MALRD1: variants seen among roughly 807,000 people sequenced by gnomAD.
MALRD1 encodes MAM and LDL receptor class A domain containing 1.
In MALRD1, 247 loss-of-function variants were observed where a neutral mutation model predicts 242.1. The observed-to-expected ratio is 1.02, with a 90% CI of 0.92 to 1.13. The LOEUF is 1.13. Among genes scored for constraint, MALRD1 ranks in the 50% most tolerant of loss-of-function variants. The pLI, the probability that MALRD1 is intolerant of heterozygous loss-of-function variation, is 0.00. For missense variants in MALRD1, 2,989 were observed against 2,533.1 expected, an observed-to-expected ratio of 1.18 and a Z score of -3.86; for synonymous variants, 995 against 866.6, an observed-to-expected ratio of 1.15 and a Z score of -2.60.
At chr10:19,264,814 T>G (rs545033831) in intron 19 of MALRD1, among the ~76,000 whole-genome samples, 45 of 152,310 alleles carry the variant, frequency 3.0e-4, no homozygotes, top group African/African-American at 8.7e-4. Flanking sequence ...TGGAGGAGTT[T>G]GATAAGGATT....
chr10:19,097,231 A>G (rs1836073122), intron 4 of MALRD1, among the ~76,000 whole-genome samples: 1 of 152,164 alleles, frequency 6.6e-6, no homozygotes, highest in South Asian at 2.1e-4. Flanking sequence ...TAAATCCCAT[A>G]CCAGCTTAGA....
rs562999334 is a variant in MALRD1, at chr10:19,730,795, G to T, written c.6390+14G>T. On this transcript the variant is annotated intron_variant, in intron 39 of 39. Transcript: ENST00000454679. ...GAGAAAACAGAGGTAAGTGGCAAGGGTGAACTATATCTTTTCACACATATG... is the reference window on the plus strand; with the variant it reads ...GAGAAAACAGAGGTAAGTGGCAAGGTTGAACTATATCTTTTCACACATATG... 32 of 1,535,276 alleles carry T rather than the reference G, an allele frequency of 2.1e-5. No homozygotes were observed. The highest frequency in any genetic ancestry group is 2.4e-5 in the East Asian group (1 of 40,902).
At chr10:19,732,708 C>T (rs1256594433) in intron 39 of MALRD1, among the ~76,000 whole-genome samples, 3 of 152,030 alleles carry the variant, frequency 2.0e-5, no homozygotes, top group Non-Finnish European at 4.4e-5. Context: ...TAAAAAGTGG[C>T]TCGATAGGTA....
intron 11 of MALRD1, 70 bp from the exon 12 acceptor site, chr10:19,155,005 T>C (rs1588622954): frequency 3.7e-6 from 3 of 820,794 alleles, no homozygotes. Context: ...AAGGATAAGA[T>C]TGTGGAGCAA....
At chr10:19,368,871 ATGTGTGTGTGTGTGTGTGTT>A (rs1454360613) in intron 26 of MALRD1, among the ~76,000 whole-genome samples, 4 of 141,806 alleles carry the variant, frequency 2.8e-5, no homozygotes, top group Non-Finnish European at 6.1e-5. Context: ...TGATTTGTGT[ATGTGTGTGTGTGTGTGTGTT>A]TGTGTGTGTG....
intron 32 of MALRD1, among the ~76,000 whole-genome samples, chr10:19,547,688 A>C (rs1376897094): frequency 1.4e-5 from 2 of 147,532 alleles, no homozygotes; most frequent in Non-Finnish European, 3.0e-5. Context: ...TAATGAATTG[A>C]CATACTTCAC....
At position 19,387,678 on chromosome 10, in the gene MALRD1, A is replaced by G; in HGVS notation, c.4592A>G (p.Gln1531Arg). Residue 1531 changes from glutamine (Q) to arginine (R), a missense_variant, in exon 27 of 40, where the codon CAA becomes CGA. Gln to Arg is a conservative substitution (Grantham distance 43). Coordinates refer to ENST00000454679, the MANE Select transcript of MALRD1 (RefSeq NM_001142308.3). ...TTTGAAAAAGGCTGGTGTGGCTGGC[A>G]AAACTCCCAGGCTGACAACTTTGAT... ...CTFEKGWCGW[Q>R]NSQADNFDWV... 1 of 1,550,432 alleles carries G rather than the reference A, an allele frequency of 6.4e-7. No individual in the cohort carries two copies. Among genetic ancestry groups the G allele is most frequent in the South Asian group, 1.2e-5 (1 of 84,062 alleles).
chr10:19,574,611 C>A (rs1332024868), intron 33 of MALRD1, among the ~76,000 whole-genome samples: 3 of 152,182 alleles, frequency 2.0e-5, no homozygotes, highest in Non-Finnish European at 4.4e-5. Context: ...TTTTGGAGAG[C>A]TTGGTCTAAA....
At chr10:19,128,190 T>A in intron 7 of MALRD1, 31 bp from the exon 8 acceptor site, 1 of 1,228,390 alleles carries the variant, frequency 8.1e-7, no homozygotes, top group Non-Finnish European at 1.0e-6. Context: ...AATGTTTTCC[T>A]AAATTGCTTC....
chr10:19,243,825 G>A (rs557637668), intron 18 of MALRD1, among the ~76,000 whole-genome samples: 1 of 152,306 alleles, frequency 6.6e-6, no homozygotes, highest in Non-Finnish European at 1.5e-5. Context: ...GAAGTGGAGT[G>A]ATGGTTCTCT....
chr10:19,716,527 C>T (rs550646111), intron 38 of MALRD1, among the ~76,000 whole-genome samples: 24 of 152,310 alleles, frequency 1.6e-4, no homozygotes, highest in African/African-American at 4.6e-4. Flanking sequence ...GTATAGCCTG[C>T]GGAACTGTGA....
chr10:19,308,792 G>A (rs1205141812), intron 21 of MALRD1, among the ~76,000 whole-genome samples: 14 of 151,604 alleles, frequency 9.2e-5, no homozygotes, highest in African/African-American at 2.2e-4. Flanking sequence ...TTAGTCCAGT[G>A]TTTGGAACAA....
At chr10:19,420,884 T>A (rs1239607841) in intron 28 of MALRD1, among the ~76,000 whole-genome samples, 1 of 152,178 alleles carries the variant, frequency 6.6e-6, no homozygotes, top group Admixed American at 6.5e-5. Flanking sequence ...ACCACTGGAA[T>A]CAGAAGGGTG....
intron 31 of MALRD1, among the ~76,000 whole-genome samples, chr10:19,512,079 A>G (rs890697894): frequency 6.6e-6 from 1 of 152,128 alleles, no homozygotes; most frequent in African/African-American, 2.4e-5. Flanking sequence ...ATGATTGCTT[A>G]AAAGAGCTTG....
chr10:19,655,829 G>A (rs1589366023), intron 36 of MALRD1, among the ~76,000 whole-genome samples: 1 of 152,108 alleles, frequency 6.6e-6, no homozygotes, highest in Middle Eastern at 3.4e-3. Flanking sequence ...GCAGTAGAGT[G>A]TATGGAATTT....
chr10:19,511,887 G>A (rs183898146), intron 31 of MALRD1, among the ~76,000 whole-genome samples: 176 of 151,890 alleles, frequency 1.2e-3, no homozygotes, highest in African/African-American at 4.1e-3. Flanking sequence ...TGAGAGAGGG[G>A]AGAAGTTTTG....
intron 33 of MALRD1, among the ~76,000 whole-genome samples, chr10:19,588,877 A>G (rs1837598497): frequency 6.6e-6 from 1 of 152,118 alleles, no homozygotes; most frequent in African/African-American, 2.4e-5. Context: ...TGTTGACCTC[A>G]AGTCATCCGA....
intron 36 of MALRD1, among the ~76,000 whole-genome samples, chr10:19,620,104 T>G (rs940313917): frequency 6.6e-6 from 1 of 151,966 alleles, no homozygotes; most frequent in African/African-American, 2.4e-5. Context: ...TGAAATAGAT[T>G]AGGATAAAAT....
intron 36 of MALRD1, among the ~76,000 whole-genome samples, chr10:19,665,182 A>G (rs946202791): frequency 2.0e-5 from 3 of 152,164 alleles, no homozygotes; most frequent in African/African-American, 4.8e-5. Context: ...AGGTGGTTAG[A>G]ATTTAGGCTT....
Sources: allele counts gnomAD v4.1 joint callset (sites outside exome capture counted in the v4.1 genomes callset), GRCh38; gene constraint gnomAD v4.1.1; transcripts MANE v1.5; gene names NCBI Gene and HGNC (gene_info 2026-07-23, HGNC 2026-07-21).